Variants in QRFPR observed in about 807,000 individuals in gnomAD.
QRFPR encodes the protein pyroglutamylated RFamide peptide receptor.
Under a neutral mutation model 31.3 loss-of-function variants are expected in QRFPR, and 37 were observed. The ratio of observed to expected loss-of-function variants is 1.18; its 90% CI spans 0.91 to 1.56. The LOEUF (loss-of-function observed/expected upper bound fraction) is 1.56. Among genes scored for constraint, QRFPR ranks in the 40% most tolerant of loss-of-function variants. The probability of loss-of-function intolerance (pLI) is 0.00; values close to 1 mark genes in which losing one functional copy is unlikely to be tolerated. For missense variants in QRFPR, 542 were observed against 532.5 expected, an observed-to-expected ratio of 1.02 and a Z score of -0.18; for synonymous variants, 197 against 192.0, an observed-to-expected ratio of 1.03 and a Z score of -0.22.
chr4:121,374,030 G>A (rs1271836180), intron 1 of QRFPR, among the ~76,000 whole-genome samples: 2 of 152,202 alleles, frequency 1.3e-5, no homozygotes, highest in African/African-American at 4.8e-5. Context: ...GGGCAAAATA[G>A]ACTGAAAAAC....
In QRFPR at chr4:121,332,877, A is replaced by G. The variant is rs924147002; in HGVS notation, c.741T>C (p.Val247=). ...IGYELWIKKR[V]GDGSVLRTIH... is the part of the protein sequence containing the mutation. The stretch of plus-strand genomic sequence containing the variant: ...TAGTTCGAAGCACTGAACCATCCCC[A>G]ACTCTTTTCTTTATCCAAAGTTCAT... Residue 247 remains valine (V), a synonymous_variant, in exon 4 of 6, where the codon GTT becomes GTC. Transcript: ENST00000394427. The G allele has an allele frequency of 2.5e-6, 4 of 1,614,008 alleles. No homozygotes were observed. In the African/African-American group the frequency reaches 5.3e-5, roughly 22 times the overall value.
intron 1 of QRFPR, among the ~76,000 whole-genome samples, chr4:121,365,615 T>TATATA (rs1726111695): frequency 1.2e-4 from 1 of 8,612 alleles, no homozygotes; most frequent in African/African-American, 4.5e-4. Context: ...ATATATATTA[T>TATATA]ATATATTATA....
chr4:121,353,665 G>A (rs907150591), intron 1 of QRFPR, among the ~76,000 whole-genome samples: 11 of 151,818 alleles, frequency 7.2e-5, no homozygotes, highest in African/African-American at 2.4e-4. Flanking sequence ...TGTGGGTTAC[G>A]TTTTCACTTT....
intron 2 of QRFPR, among the ~76,000 whole-genome samples, chr4:121,339,635 C>T (rs1725500309): frequency 6.6e-6 from 1 of 152,042 alleles, no homozygotes; most frequent in South Asian, 2.1e-4. Flanking sequence ...TTCCTGCTCC[C>T]TATCATTATC....
chr4:121,345,042 T>C (rs888468342), intron 1 of QRFPR, among the ~76,000 whole-genome samples: 8 of 152,202 alleles, frequency 5.3e-5, no homozygotes, highest in Admixed American at 1.3e-4. Flanking sequence ...GCCTGGAATG[T>C]GTATTTCTCA....
rs112205825 is a variant in QRFPR at position 121,330,381 on chromosome 4, G to A, written c.895+45C>T. Reference sequence around the variant, plus strand: ...AAAGATTCATTGTCTATTCTAGCAGGAAATGAATGAGAATGTCTATCAAAT... The same window carrying A: ...AAAGATTCATTGTCTATTCTAGCAGAAAATGAATGAGAATGTCTATCAAAT... On this transcript the variant is annotated intron_variant, in intron 5 of 5. Transcript: ENST00000394427. The A allele has an allele frequency of 4.6e-6, 6 of 1,292,442 alleles. No homozygotes were observed. In the South Asian group the frequency reaches 6.0e-5, roughly 13 times the overall value. 80.1% of individuals were successfully genotyped at this position (1,292,442 alleles called of 1,614,324 possible). A position where few individuals can be genotyped will look rare whatever the true frequency, so the allele number is the denominator to read the frequency against.
chr4:121,343,825 G>A (rs985859371), intron 1 of QRFPR, among the ~76,000 whole-genome samples: 5 of 152,050 alleles, frequency 3.3e-5, no homozygotes, highest in African/African-American at 1.2e-4. Context: ...TCTCATTATA[G>A]TGTTATCCAT....
chr4:121,355,736 C>T (rs966502088), intron 1 of QRFPR, among the ~76,000 whole-genome samples: 22 of 151,568 alleles, frequency 1.5e-4, no homozygotes, highest in African/African-American at 4.4e-4. Flanking sequence ...TGATATATCC[C>T]GTAGGTTTTG....
chr4:121,380,704 CT>C lies in QRFPR; in HGVS notation c.-58del. 3 of 1,442,680 alleles carry C rather than the reference CT, an allele frequency of 2.1e-6. No individual in the cohort carries two copies. The highest frequency in any genetic ancestry group is 5.2e-5 in the Admixed American group (2 of 38,778). 89.4% of individuals were successfully genotyped at this position (1,442,680 alleles called of 1,614,324 possible). On this transcript the variant is annotated 5_prime_UTR_variant, in exon 1 of 6. Transcript: ENST00000394427. Reference sequence around the variant, plus strand: ...CCCGCTACTGGCTGGCCATCCGCATCTGCGGGGCAGCGAGGGCTTCGGGGGA... The same window carrying C: ...CCCGCTACTGGCTGGCCATCCGCATCGCGGGGCAGCGAGGGCTTCGGGGGA...
At chr4:121,337,827 T>G (rs139583964) in intron 2 of QRFPR, among the ~76,000 whole-genome samples, 1 of 152,196 alleles carries the variant, frequency 6.6e-6, no homozygotes, top group Non-Finnish European at 1.5e-5. Flanking sequence ...TTTAATGATG[T>G]ACTCTTAGAA....
chr4:121,367,568 T>G (rs1274571549), intron 1 of QRFPR, among the ~76,000 whole-genome samples: 1 of 150,462 alleles, frequency 6.6e-6, no homozygotes, highest in Non-Finnish European at 1.5e-5. Flanking sequence ...CAAATATATT[T>G]GAGATATTAC....
intron 4 of QRFPR, 71 bp from the exon 5 acceptor site, chr4:121,330,594 A>G: frequency 8.9e-7 from 1 of 1,129,780 alleles, no homozygotes; most frequent in South Asian, 1.3e-5. Context: ...TAGCAAAGCT[A>G]TTAAAGTCTG....
rs1726332266 is a variant in QRFPR, at chr4:121,375,433, C to T, written c.340+4875G>A. ...CTTTTCCACAGAAACACAGCTTTCT[C>T]AATACCTGCAATATCCCAGTGCACA... On this transcript the variant is annotated intron_variant, in intron 1 of 5. Coordinates refer to ENST00000394427, the MANE Select transcript of QRFPR (RefSeq NM_198179.3). 7.9e-5 allele frequency among the ~76,000 whole-genome samples: 12 copies of T among 152,306 alleles called. No individual in the cohort carries two copies. In the South Asian group the frequency reaches 2.5e-3, roughly 32 times the overall value.
rs531264010 is a variant in QRFPR at position 121,340,735 on chromosome 4, T to C, written c.341-125A>G. ...TGCCAAAAAGTTTGATAATTGTAATTACTCTGTAGACACAAAATAATTGAA... is the reference window on the plus strand; with the variant it reads ...TGCCAAAAAGTTTGATAATTGTAATCACTCTGTAGACACAAAATAATTGAA... On this transcript the variant is annotated intron_variant, in intron 1 of 5. Transcript: ENST00000394427. 88 of 791,144 alleles carry C rather than the reference T, an allele frequency of 1.1e-4. No individual in the cohort carries two copies. The African/African-American group carries it at 1.3e-3, about 12-fold the overall frequency. 49.0% of individuals were successfully genotyped at this position (791,144 alleles called of 1,614,324 possible).
chr4:121,362,635 C>CAATAG lies in QRFPR; in HGVS notation c.340+17668_340+17672dup, dbSNP rs1213472623. 4.3e-4 allele frequency among the ~76,000 whole-genome samples: 64 copies of CAATAG among 149,988 alleles called. 4 individuals carry two copies. The highest frequency in any genetic ancestry group is 1.5e-3 in the African/African-American group (60 of 40,630). ...TTGGGGAAAGAACAGATGAATAGAT[C>CAATAG]AATAGAATAGAATAGAGAGCTCAGC... On this transcript the variant is annotated intron_variant, in intron 1 of 5. Coordinates refer to ENST00000394427, the MANE Select transcript of QRFPR (RefSeq NM_198179.3).
intron 1 of QRFPR, chr4:121,370,192 T>G (rs1463340702): frequency 1.3e-6 from 1 of 772,594 alleles, no homozygotes; most frequent in African/African-American, 1.7e-5. Context: ...CAAGGGATGC[T>G]GCCCATGTCT....
intron 1 of QRFPR, among the ~76,000 whole-genome samples, chr4:121,375,738 T>C (rs762016513): frequency 3.9e-5 from 6 of 152,166 alleles, no homozygotes; most frequent in Non-Finnish European, 7.3e-5. Flanking sequence ...TAAGCTTCAG[T>C]GGACACTTAC....
At chr4:121,364,402 C>T (rs1726046943) in intron 1 of QRFPR, among the ~76,000 whole-genome samples, 1 of 149,736 alleles carries the variant, frequency 6.7e-6, no homozygotes. Context: ...TTTGGGAGGC[C>T]GAGGCGGGTG....
chr4:121,369,605 TGGGC>T, intron 1 of QRFPR: 1 of 1,611,412 alleles, frequency 6.2e-7, no homozygotes, highest in South Asian at 1.1e-5. Flanking sequence ...AGAGGGCTTC[TGGGC>T]TCCTCGGTAG....
Sources: gnomAD v4.1 joint callset for allele counts (sites outside exome capture counted in the v4.1 genomes callset) on GRCh38, gnomAD v4.1.1 for gene constraint, MANE v1.5 for transcripts, NCBI Gene and HGNC (gene_info 2026-07-23, HGNC 2026-07-21) for gene names.